The following RAD51B variants were observed in gnomAD, a reference collection of about 807,000 sequenced individuals.
RAD51B encodes the protein DNA repair protein RAD51 homolog 2.
RAD51B carries 38 observed loss-of-function variants against 42.2 expected under a neutral mutation model. The ratio of observed to expected loss-of-function variants is 0.90; its 90% CI spans 0.70 to 1.18. The LOEUF is 1.18. RAD51B is among the 50% of genes most tolerant of loss of function. The pLI, the probability that RAD51B is intolerant of heterozygous loss-of-function variation, is 0.00. For synonymous variants in RAD51B, 154 were observed against 145.2 expected (o/e 1.06, Z -0.43); for missense variants, 373 against 400.7 (o/e 0.93, Z 0.59).
intron 7 of RAD51B, among the ~76,000 whole-genome samples, chr14:68,280,484 C>G (rs1320313087): frequency 6.6e-6 from 1 of 152,130 alleles, no homozygotes; most frequent in East Asian, 1.9e-4. Flanking sequence ...CTTCTTGAAC[C>G]TCAGTTTCCT....
chr14:67,866,753 T>G (rs2042345437), intron 5 of RAD51B, among the ~76,000 whole-genome samples: 1 of 152,244 alleles, frequency 6.6e-6, no homozygotes. Flanking sequence ...GAGAGTCTTA[T>G]GTTTTTTGTC....
chr14:68,614,752 C>G (rs1333501779), downstream of RAD51B, among the ~76,000 whole-genome samples: 1 of 152,214 alleles, frequency 6.6e-6, no homozygotes, highest in Admixed American at 6.5e-5. Context: ...TTTTGTTTAT[C>G]TGTTCATCAG....
chr14:67,832,397 G>T (rs1013692492), intron 3 of RAD51B, among the ~76,000 whole-genome samples: 1 of 152,174 alleles, frequency 6.6e-6, no homozygotes, highest in Non-Finnish European at 1.5e-5. Context: ...AAGGTATTTG[G>T]TGTATATTGT....
intron 7 of RAD51B, among the ~76,000 whole-genome samples, chr14:67,915,391 G>A (rs2044117910): frequency 6.6e-6 from 1 of 152,320 alleles, no homozygotes; most frequent in East Asian, 1.9e-4. Flanking sequence ...TTGGAGAAAG[G>A]AAAGGGCTTG....
intron 7 of RAD51B, among the ~76,000 whole-genome samples, chr14:68,271,830 C>T (rs2081109980): frequency 6.6e-6 from 1 of 152,200 alleles, no homozygotes; most frequent in Non-Finnish European, 1.5e-5. Flanking sequence ...TTATTGCTCA[C>T]ACATCATAGT....
intron 7 of RAD51B, among the ~76,000 whole-genome samples, chr14:67,910,472 GA>G (rs1236137080): frequency 9.8e-6 from 1 of 102,446 alleles, no homozygotes; most frequent in African/African-American, 3.0e-5. Flanking sequence ...TTTCACTGAA[GA>G]AATTGTAAAA....
intron 7 of RAD51B, among the ~76,000 whole-genome samples, chr14:67,965,291 C>G (rs76705174): frequency 2.0e-5 from 3 of 152,164 alleles, no homozygotes; most frequent in African/African-American, 7.2e-5. Context: ...GTCAACAAGT[C>G]CTGTTTCTTC....
In RAD51B at chr14:68,349,618, G is replaced by A. The variant is rs183835232; in HGVS notation, c.853+57638G>A. ...AGACCTCAGGTGATCCACCCACCTC[G>A]GCCTCCCAAAGTGCTGGGATTACAG... On this transcript the variant is annotated intron_variant, in intron 8 of 10. Transcript: ENST00000471583. 9.9e-5 allele frequency among the ~76,000 whole-genome samples: 15 copies of A among 152,176 alleles called. No homozygotes were observed. The East Asian group carries it at 1.4e-3, about 14-fold the overall frequency.
intron 7 of RAD51B, among the ~76,000 whole-genome samples, chr14:67,907,491 C>T (rs1009830889): frequency 6.6e-6 from 1 of 152,032 alleles, no homozygotes; most frequent in African/African-American, 2.4e-5. Flanking sequence ...TGTCTGAGGC[C>T]TCAGCTAGAA....
chr14:68,017,841 C>T (rs375921119), intron 7 of RAD51B, among the ~76,000 whole-genome samples: 2 of 152,070 alleles, frequency 1.3e-5, no homozygotes, highest in South Asian at 2.1e-4. Context: ...TGTGGTGGCA[C>T]GCACCTGTAG....
intron 5 of RAD51B, among the ~76,000 whole-genome samples, chr14:67,872,167 A>G (rs2042558617): frequency 6.7e-6 from 1 of 150,278 alleles, no homozygotes; most frequent in Admixed American, 6.6e-5. Flanking sequence ...TGCAGACGAC[A>G]TGATTGTATA....
chr14:68,535,304 C>G (rs955056673), intron 10 of RAD51B, among the ~76,000 whole-genome samples: 12 of 152,136 alleles, frequency 7.9e-5, no homozygotes, highest in Non-Finnish European at 1.3e-4. Flanking sequence ...CCTCTAATGT[C>G]CTATACTCTT....
At chr14:68,155,511 A>T (rs1195286444) in intron 7 of RAD51B, among the ~76,000 whole-genome samples, 1 of 152,108 alleles carries the variant, frequency 6.6e-6, no homozygotes, top group African/African-American at 2.4e-5. Flanking sequence ...TTATAGAGGT[A>T]AAATAGGTGT....
chr14:68,135,822 C>G (rs549886015), intron 7 of RAD51B, among the ~76,000 whole-genome samples: 1 of 152,098 alleles, frequency 6.6e-6, no homozygotes, highest in South Asian at 2.1e-4. Flanking sequence ...AATTTCTTGC[C>G]AAGTAGAGAA....
intron 7 of RAD51B, among the ~76,000 whole-genome samples, chr14:67,928,912 G>C (rs1186198843): frequency 1.3e-5 from 2 of 151,852 alleles, no homozygotes; most frequent in African/African-American, 2.4e-5. Context: ...ATTCATAATA[G>C]TCTCTGATGA....
At chr14:68,555,142 G>C (rs746255383) in intron 10 of RAD51B, among the ~76,000 whole-genome samples, 1 of 152,056 alleles carries the variant, frequency 6.6e-6, no homozygotes, top group Non-Finnish European at 1.5e-5. Context: ...TACCGTGCCC[G>C]GCCAAAAAAA....
At chr14:67,835,009 GAATT>G (rs2041181565) in intron 3 of RAD51B, 67 bp from the exon 4 acceptor site, 5 of 1,179,696 alleles carry the variant, frequency 4.2e-6, no homozygotes, top group Non-Finnish European at 6.2e-6. Context: ...AAAATTTAGA[GAATT>G]AAAGTTGGTT....
intron 7 of RAD51B, among the ~76,000 whole-genome samples, chr14:68,261,469 T>C (rs573987665): frequency 2.6e-5 from 4 of 152,250 alleles, no homozygotes; most frequent in Non-Finnish European, 4.4e-5. Flanking sequence ...CCCCGTTTAA[T>C]GTATTCAAGT....
At chr14:68,037,039 C>G (rs963000006) in intron 7 of RAD51B, among the ~76,000 whole-genome samples, 2 of 107,514 alleles carry the variant, frequency 1.9e-5, no homozygotes, top group African/African-American at 3.8e-5. Flanking sequence ...TCCCTCCCCC[C>G]CTCCCTTCCT....
Sources: gnomAD v4.1 joint callset for allele counts (sites outside exome capture counted in the v4.1 genomes callset) on GRCh38, gnomAD v4.1.1 for gene constraint, MANE v1.5 for transcripts, NCBI Gene and HGNC (gene_info 2026-07-23, HGNC 2026-07-21) for gene names.